The following ATP8B4 variants were observed in gnomAD, a reference collection of about 807,000 sequenced individuals.
ATP8B4 encodes ATPase phospholipid transporting 8B4 (putative).
ATP8B4 carries 133 observed loss-of-function variants against 145.6 expected under a neutral mutation model. The observed-to-expected ratio is 0.91, with a 90% CI of 0.79 to 1.05. The LOEUF is 1.05. Ranked by LOEUF, ATP8B4 falls within the 50% of genes least tolerant of loss-of-function variation. The pLI, the probability that ATP8B4 is intolerant of heterozygous loss-of-function variation, is 0.00. For missense variants in ATP8B4, 1,458 were observed against 1,425.2 expected, an observed-to-expected ratio of 1.02 and a Z score of -0.37; for synonymous variants, 507 against 492.9, an observed-to-expected ratio of 1.03 and a Z score of -0.38.
chr15:50,044,527 A>T (rs968371867), intron 5 of ATP8B4, 67 bp downstream of exon 5: 1 of 1,108,138 alleles, frequency 9.0e-7, no homozygotes, highest in African/African-American at 1.6e-5. Flanking sequence ...ATGTATCTTC[A>T]TTATCTATTT....
At chr15:50,024,396 G>A (rs1166128572) in intron 6 of ATP8B4, among the ~76,000 whole-genome samples, 3 of 152,132 alleles carry the variant, frequency 2.0e-5, no homozygotes, top group Admixed American at 1.3e-4. Flanking sequence ...AAAACCAAGG[G>A]CATCATCCCC....
At chr15:50,001,079 T>C (rs2153560154) in intron 8 of ATP8B4, among the ~76,000 whole-genome samples, 1 of 152,154 alleles carries the variant, frequency 6.6e-6, no homozygotes, top group African/African-American at 2.4e-5. Flanking sequence ...TTTATCAGTA[T>C]TCTTAGAGGT....
intron 6 of ATP8B4, among the ~76,000 whole-genome samples, chr15:50,033,847 GA>G (rs2050627961): frequency 6.6e-6 from 1 of 152,112 alleles, no homozygotes; most frequent in African/African-American, 2.4e-5. Context: ...ATTTACTTAG[GA>G]TAATACCCTC....
intron 23 of ATP8B4, among the ~76,000 whole-genome samples, chr15:49,891,156 G>A (rs1004599156): frequency 6.6e-6 from 1 of 151,612 alleles, no homozygotes; most frequent in African/African-American, 2.4e-5. Flanking sequence ...CCTGAAGGGA[G>A]CTAGAATTTC....
chr15:49,936,781 T>A (rs952505618), intron 14 of ATP8B4, among the ~76,000 whole-genome samples: 1 of 152,144 alleles, frequency 6.6e-6, no homozygotes, highest in Non-Finnish European at 1.5e-5. Flanking sequence ...ACAGTCTTAG[T>A]TAAATTTTGG....
chr15:50,040,077 T>C (rs1289201017), intron 5 of ATP8B4, among the ~76,000 whole-genome samples: 2 of 148,202 alleles, frequency 1.3e-5, no homozygotes, highest in Non-Finnish European at 1.5e-5. Flanking sequence ...CTGAATATTC[T>C]CTCCTCCACC....
rs1266686483 is a variant in ATP8B4, at chr15:49,996,693, T to C, written c.573A>G (p.Arg191=). The C allele has an allele frequency of 1.2e-6, 2 of 1,608,032 alleles. No individual in the cohort carries two copies. The highest frequency in any genetic ancestry group is 8.5e-7 in the Non-Finnish European group (1 of 1,175,432). The change falls in exon 9 of 28, where the codon AGA becomes AGG. Residue 191 remains arginine (R), a synonymous_variant. Coordinates refer to ENST00000284509, the MANE Select transcript of ATP8B4 (RefSeq NM_024837.4). ...AATACTTACCATCAAACCCTGCAAG[T>C]CTGCTGATATCTGCTCCAAGTTCTG... is the stretch of plus-strand genomic sequence containing the variant. The part of the protein sequence containing the change: ...VTSELGADIS[R]LAGFDGIVVC...
At chr15:49,927,226 GCT>G (rs2040807799) in intron 16 of ATP8B4, among the ~76,000 whole-genome samples, 1 of 151,878 alleles carries the variant, frequency 6.6e-6, no homozygotes, top group Admixed American at 6.6e-5. Context: ...TTAAATCAGG[GCT>G]CTTTCTTCAG....
intron 2 of ATP8B4, among the ~76,000 whole-genome samples, chr15:50,098,465 G>C (rs914449755): frequency 6.6e-6 from 1 of 150,988 alleles, no homozygotes; most frequent in Non-Finnish European, 1.5e-5. Flanking sequence ...TTAATTTTTT[G>C]CAGAGACAAG....
intron 1 of ATP8B4, among the ~76,000 whole-genome samples, chr15:50,144,819 T>C (rs1595643933): frequency 6.6e-6 from 1 of 152,106 alleles, no homozygotes; most frequent in Non-Finnish European, 1.5e-5. Context: ...CTCATATCTA[T>C]GATTTCCTTC....
At chr15:50,178,803 GTACA>G (rs1307114261) in intron 1 of ATP8B4, among the ~76,000 whole-genome samples, 1 of 152,142 alleles carries the variant, frequency 6.6e-6, no homozygotes, top group Non-Finnish European at 1.5e-5. Flanking sequence ...ATTTTTAAGT[GTACA>G]GTTCAGGTAT....
chr15:50,090,856 G>A (rs28373601), intron 2 of ATP8B4, among the ~76,000 whole-genome samples: 55,299 of 151,826 alleles, frequency 0.36, 10,895 homozygotes, highest in Non-Finnish European at 0.45. Context: ...CCAAAGTACG[G>A]GGATTACAGG....
intron 25 of ATP8B4, among the ~76,000 whole-genome samples, chr15:49,874,273 G>C (rs939956094): frequency 1.3e-5 from 2 of 152,186 alleles, no homozygotes; most frequent in Non-Finnish European, 2.9e-5. Context: ...TATTCCACTA[G>C]AGAAAATAAA....
intron 15 of ATP8B4, 66 bp downstream of exon 15, chr15:49,933,951 T>C (rs1248774736): frequency 1.4e-6 from 2 of 1,426,602 alleles, no homozygotes; most frequent in Non-Finnish European, 1.9e-6. Flanking sequence ...CCTTCAAATT[T>C]AGTGTCAGTT....
At position 49,973,291 on chromosome 15, in the gene ATP8B4, T is replaced by C. The variant is rs117574623; in HGVS notation, c.1035-501A>G. Reference sequence around the variant, plus strand: ...ACTGCTGTGCAGTTCACAATAGGGTTTGCACTCCTTTGAGAATCTAATGCT... The same window carrying C: ...ACTGCTGTGCAGTTCACAATAGGGTCTGCACTCCTTTGAGAATCTAATGCT... On this transcript the variant is annotated intron_variant, in intron 12 of 27. Transcript: ENST00000284509. 6.8e-3 allele frequency among the ~76,000 whole-genome samples: 1,032 copies of C among 152,278 alleles called. 9 individuals carry two copies. Among genetic ancestry groups the C allele is most frequent in the Non-Finnish European group, 0.01 (704 of 68,018 alleles).
chr15:49,989,504 G>A (rs1019075563), intron 9 of ATP8B4, among the ~76,000 whole-genome samples: 2 of 152,090 alleles, frequency 1.3e-5, no homozygotes, highest in South Asian at 2.1e-4. Flanking sequence ...AGGTTCATTT[G>A]ATCATTTCTA....
intron 1 of ATP8B4, among the ~76,000 whole-genome samples, chr15:50,154,735 C>T (rs13329651): frequency 0.015 from 2,232 of 151,646 alleles, 54 homozygotes; most frequent in African/African-American, 0.051. Context: ...AGTGCAGTGA[C>T]GTGATCTCAA....
chr15:49,907,563 T>C (rs1344698196), intron 20 of ATP8B4, among the ~76,000 whole-genome samples: 7 of 151,990 alleles, frequency 4.6e-5, no homozygotes, highest in African/African-American at 1.5e-4. Context: ...AGGGAGGAAA[T>C]AGACAAGGAA....
chr15:49,963,311 G>A (rs2153511108), intron 13 of ATP8B4, among the ~76,000 whole-genome samples: 1 of 152,190 alleles, frequency 6.6e-6, no homozygotes, highest in Admixed American at 6.5e-5. Flanking sequence ...AACTCTTACA[G>A]TGGGACTGGA....
Sources: gnomAD v4.1 joint callset for allele counts (sites outside exome capture counted in the v4.1 genomes callset) on GRCh38, gnomAD v4.1.1 for gene constraint, MANE v1.5 for transcripts, NCBI Gene and HGNC (gene_info 2026-07-23, HGNC 2026-07-21) for gene names.